RIMS1: variants seen among roughly 807,000 people sequenced by gnomAD.
RIMS1 encodes regulating synaptic membrane exocytosis 1, also known as regulating synaptic membrane exocytosis protein 1.
In RIMS1, 83 loss-of-function variants were observed where a neutral mutation model predicts 214.1. The ratio of observed to expected loss-of-function variants is 0.39; its 90% CI spans 0.32 to 0.47. The LOEUF is 0.47. RIMS1 is among the 20% of genes least tolerant of loss of function. The pLI, the probability that RIMS1 is intolerant of heterozygous loss-of-function variation, is 0.99. For synonymous variants in RIMS1, 793 were observed against 786.8 expected (o/e 1.01, Z -0.13); for missense variants, 2,050 against 2,161.8 (o/e 0.95, Z 1.03).
chr6:72,030,314 T>C (rs1817722677), intron 2 of RIMS1, among the ~76,000 whole-genome samples: 1 of 152,218 alleles, frequency 6.6e-6, no homozygotes, highest in African/African-American at 2.4e-5. Flanking sequence ...TTTACTTGAT[T>C]CAGAGAGACT....
intron 29 of RIMS1, among the ~76,000 whole-genome samples, chr6:72,335,861 A>G (rs1564203098): frequency 1.3e-5 from 2 of 151,858 alleles, no homozygotes; most frequent in African/African-American, 4.8e-5. Context: ...TGTTGGCCAC[A>G]TTAAATGTCT....
At chr6:72,082,397 A>G (rs1833617067) in intron 2 of RIMS1, among the ~76,000 whole-genome samples, 1 of 152,158 alleles carries the variant, frequency 6.6e-6, no homozygotes, top group South Asian at 2.1e-4. Flanking sequence ...AGCCATTTTA[A>G]TCCTCACAAC....
At chr6:72,041,316 A>T (rs1293615217) in intron 2 of RIMS1, among the ~76,000 whole-genome samples, 6 of 151,850 alleles carry the variant, frequency 4.0e-5, no homozygotes, top group Admixed American at 6.6e-5. Context: ...AATTTTGTAG[A>T]TTTTTATTCA....
intron 1 of RIMS1, among the ~76,000 whole-genome samples, chr6:71,963,038 A>G (rs1363432292): frequency 6.6e-6 from 1 of 152,164 alleles, no homozygotes; most frequent in East Asian, 1.9e-4. Context: ...AATAATGTTT[A>G]AAGAACATTG....
intron 1 of RIMS1, among the ~76,000 whole-genome samples, chr6:71,945,700 C>T (rs1787590756): frequency 6.6e-6 from 1 of 151,792 alleles, no homozygotes; most frequent in African/African-American, 2.4e-5. Flanking sequence ...GAAAAGGTAT[C>T]CAAATTGGAA....
chr6:72,206,175 A>G (rs1187919859), intron 6 of RIMS1, among the ~76,000 whole-genome samples: 2 of 152,128 alleles, frequency 1.3e-5, no homozygotes, highest in African/African-American at 4.8e-5. Context: ...TGCATTCTTA[A>G]AGACCGATCA....
intron 1 of RIMS1, among the ~76,000 whole-genome samples, chr6:71,968,667 A>G (rs1476079232): frequency 2.6e-5 from 4 of 152,334 alleles, no homozygotes; most frequent in South Asian, 2.1e-4. Flanking sequence ...GCTTTCAGAC[A>G]TCTTCATATG....
At chr6:72,356,718 C>G (rs960162833) in intron 29 of RIMS1, among the ~76,000 whole-genome samples, 6 of 151,938 alleles carry the variant, frequency 3.9e-5, no homozygotes, top group African/African-American at 1.5e-4. Context: ...CAAGATTACG[C>G]CACTATACTC....
intron 27 of RIMS1, among the ~76,000 whole-genome samples, chr6:72,313,196 GA>G (rs550187224): frequency 3.2e-4 from 49 of 151,884 alleles, no homozygotes; most frequent in African/African-American, 1.0e-3. Flanking sequence ...GTATGTACTA[GA>G]AAAAAAATGA....
At chr6:72,358,816 G>A (rs1308924033) in intron 29 of RIMS1, among the ~76,000 whole-genome samples, 1 of 152,114 alleles carries the variant, frequency 6.6e-6, no homozygotes, top group Non-Finnish European at 1.5e-5. Context: ...AAGTTTAGTG[G>A]TACAGTGATC....
intron 18 of RIMS1, among the ~76,000 whole-genome samples, chr6:72,259,429 T>TA (rs2077084358): frequency 6.6e-6 from 1 of 152,124 alleles, no homozygotes; most frequent in Admixed American, 6.6e-5. Context: ...TTCAAATATT[T>TA]TATTTATTGT....
intron 4 of RIMS1, among the ~76,000 whole-genome samples, chr6:72,119,360 A>C (rs1458429606): frequency 1.3e-5 from 2 of 151,930 alleles, no homozygotes; most frequent in Non-Finnish European, 2.9e-5. Flanking sequence ...GATGAGTAGA[A>C]TCAATATTGT....
intron 10 of RIMS1, among the ~76,000 whole-genome samples, chr6:72,244,421 T>C (rs1015041895): frequency 6.6e-6 from 1 of 151,812 alleles, no homozygotes; most frequent in African/African-American, 2.4e-5. Context: ...CCACCATTCT[T>C]TTTTCACAGG....
intron 6 of RIMS1, among the ~76,000 whole-genome samples, chr6:72,211,813 C>G (rs1210525965): frequency 2.6e-5 from 4 of 152,082 alleles, no homozygotes; most frequent in Non-Finnish European, 1.5e-5. Flanking sequence ...TCTGTACTTT[C>G]TGGCTGTCAT....
chr6:72,243,796 A>G (rs2068078279), intron 10 of RIMS1, among the ~76,000 whole-genome samples: 1 of 151,750 alleles, frequency 6.6e-6, no homozygotes, highest in African/African-American at 2.4e-5. Flanking sequence ...ATTCTAAACT[A>G]TTATAGATTA....
At chr6:72,323,602 A>T (rs992407160) in intron 28 of RIMS1, among the ~76,000 whole-genome samples, 1 of 152,032 alleles carries the variant, frequency 6.6e-6, no homozygotes, top group East Asian at 1.9e-4. Context: ...ATGATGAAAA[A>T]TTCTAATGTA....
At chr6:72,330,334 A>G (rs2096616884) in intron 28 of RIMS1, among the ~76,000 whole-genome samples, 1 of 151,768 alleles carries the variant, frequency 6.6e-6, no homozygotes, top group African/African-American at 2.4e-5. Flanking sequence ...GAGAGGATAT[A>G]TAAATAACTA....
At chr6:71,991,407 AC>A (rs1257878896) in intron 2 of RIMS1, among the ~76,000 whole-genome samples, 1 of 152,188 alleles carries the variant, frequency 6.6e-6, no homozygotes, top group Non-Finnish European at 1.5e-5. Context: ...ACATCCTGAA[AC>A]CCAGATTCTT....
At chr6:72,343,394 A>G (rs1236212401) in intron 29 of RIMS1, among the ~76,000 whole-genome samples, 1 of 151,182 alleles carries the variant, frequency 6.6e-6, no homozygotes, top group Non-Finnish European at 1.5e-5. Flanking sequence ...TTATTGGAGA[A>G]AATTGAAGCT....
Sources: gnomAD v4.1 joint callset for allele counts (sites outside exome capture counted in the v4.1 genomes callset) on GRCh38, gnomAD v4.1.1 for gene constraint, MANE v1.5 for transcripts, NCBI Gene and HGNC (gene_info 2026-07-23, HGNC 2026-07-21) for gene names.